Variants in SERPINA9 observed in about 807,000 individuals in gnomAD.
SERPINA9 encodes the protein serpin family A member 9.
A neutral mutation model predicts 24.5 loss-of-function variants in SERPINA9; 32 were observed. The observed-to-expected ratio is 1.30, with a 90% CI of 0.98 to 1.75. The LOEUF is 1.75. Ranked by LOEUF, SERPINA9 falls within the 40% of genes most tolerant of loss-of-function variation. The pLI is 0.00. For missense variants in SERPINA9, 594 were observed against 497.1 expected (o/e 1.19, Z -1.85); for synonymous variants, 233 against 197.7 (o/e 1.18, Z -1.50).
intron 3 of SERPINA9, among the ~76,000 whole-genome samples, chr14:94,465,826 AT>A (rs1436653626): frequency 5.9e-5 from 9 of 152,150 alleles, no homozygotes; most frequent in African/African-American, 2.2e-4. Flanking sequence ...CAGCCTGAAC[AT>A]TTATTATATG....
chr14:94,471,816 T>G (rs1366550549), intron 1 of SERPINA9, among the ~76,000 whole-genome samples: 1 of 152,104 alleles, frequency 6.6e-6, no homozygotes, highest in Non-Finnish European at 1.5e-5. Flanking sequence ...CTCTGCACTC[T>G]TCGGCCACCC....
At position 94,467,157 on chromosome 14, in the gene SERPINA9, G is replaced by A. The variant is rs1258111947; in HGVS notation, c.854C>T (p.Ala285Val). 5.6e-6 allele frequency: 9 copies of A among 1,614,174 alleles called. 1 individual carries two copies. The South Asian group carries it at 7.7e-5, about 14-fold the overall frequency. The change falls in exon 3 of 5, where the codon GCC becomes GTC. Residue 285 changes from alanine to valine, a missense_variant. Coordinates refer to ENST00000674397, the MANE Select transcript of SERPINA9 (RefSeq NM_175739.4). ...CTTTCTCAGTGTTCTGGCTGACAAG[G>A]CCTGTTCCAGTTGCCTCATCTTGCC... The part of the protein sequence containing the change: ...SKGKMRQLEQ[A>V]LSARTLRKWS...
intron 3 of SERPINA9, 113 bp from the exon 4 acceptor site, chr14:94,464,967 T>A (rs1363322572): frequency 2.2e-6 from 2 of 921,834 alleles, no homozygotes; most frequent in African/African-American, 1.7e-5. Context: ...TGCTAATTTC[T>A]GCTAAAAAGG....
chr14:94,465,002 C>G (rs1458804607), intron 3 of SERPINA9, 148 bp from the exon 4 acceptor site: 12 of 674,382 alleles, frequency 1.8e-5, no homozygotes, highest in Admixed American at 3.2e-5. Context: ...CCAAGAAACC[C>G]AGGTTGCTCT....
At chr14:94,468,424 T>C (rs528363548) in intron 2 of SERPINA9, among the ~76,000 whole-genome samples, 2 of 151,894 alleles carry the variant, frequency 1.3e-5, no homozygotes, top group African/African-American at 4.8e-5. Flanking sequence ...GGAGGGATGA[T>C]ACGGTGGCAT....
intron 1 of SERPINA9, among the ~76,000 whole-genome samples, chr14:94,471,035 T>A (rs1899289263): frequency 6.6e-6 from 1 of 152,124 alleles, no homozygotes; most frequent in Non-Finnish European, 1.5e-5. Flanking sequence ...CTCCAATAGG[T>A]CACATCCGTC....
At chr14:94,472,499 T>C (rs930446410) in intron 1 of SERPINA9, among the ~76,000 whole-genome samples, 2 of 152,210 alleles carry the variant, frequency 1.3e-5, no homozygotes, top group Non-Finnish European at 2.9e-5. Flanking sequence ...ACCACACGCG[T>C]GCCTTTAGAT....
rs543476304 is a variant in SERPINA9, at chr14:94,475,426, A to G, written c.-18+710T>C. ...TGCATGTGTGCCTACATGTGCACACACACACACACATACACACACACACAC... is the reference window on the plus strand; with the variant it reads ...TGCATGTGTGCCTACATGTGCACACGCACACACACATACACACACACACAC... On this transcript the variant is annotated intron_variant, in intron 1 of 4. Transcript: ENST00000674397. Among the ~76,000 whole-genome samples, 13 of 92,408 alleles carry G rather than the reference A, an allele frequency of 1.4e-4. No individual in the cohort carries two copies. In the East Asian group the frequency reaches 3.2e-3, roughly 23 times the overall value. 60.6% of individuals were successfully genotyped at this position (92,408 alleles called of 152,430 possible). A position where few individuals can be genotyped will look rare whatever the true frequency, so the allele number is the denominator to read the frequency against.
At position 94,464,788 on chromosome 14, in the gene SERPINA9, C is replaced by T. The variant is rs371090400; in HGVS notation, c.969G>A (p.Pro323=). Residue 323 remains proline, a synonymous_variant, in exon 4 of 5, where the codon CCG becomes CCA. Coordinates refer to ENST00000674397, the MANE Select transcript of SERPINA9 (RefSeq NM_175739.4). The part of the protein sequence containing the change: ...SASYNLETIL[P]KMGIQNVFDK... ...CAAAGACATTTTGGATGCCCATCTT[C>T]GGGAGGATGGTTTCCAGATTGTAGG... 13 of 1,613,334 alleles carry T rather than the reference C, an allele frequency of 8.1e-6. No homozygotes were observed. Among genetic ancestry groups the T allele is most frequent in the Admixed American group, 1.7e-5 (1 of 60,006 alleles).
At chr14:94,469,064 C>T in intron 2 of SERPINA9, 149 bp downstream of exon 2, 2 of 672,524 alleles carry the variant, frequency 3.0e-6, no homozygotes, top group Admixed American at 5.8e-5. Context: ...GTCCTGCAGC[C>T]AGCTAATTGC....
chr14:94,464,988 C>A, intron 3 of SERPINA9, 134 bp from the exon 4 acceptor site: 1 of 739,582 alleles, frequency 1.4e-6, no homozygotes, highest in Non-Finnish European at 2.1e-6. Context: ...TCAACACATC[C>A]TAGCCAAGAA....
chr14:94,474,306 G>A (rs1443186182), intron 1 of SERPINA9, among the ~76,000 whole-genome samples: 6 of 152,168 alleles, frequency 3.9e-5, no homozygotes, highest in African/African-American at 7.2e-5. Flanking sequence ...CGGCCTCCAC[G>A]CCCCAAGTCT....
intron 4 of SERPINA9, among the ~76,000 whole-genome samples, chr14:94,464,125 A>G (rs1046372656): frequency 1.3e-5 from 2 of 152,196 alleles, no homozygotes; most frequent in Non-Finnish European, 2.9e-5. Flanking sequence ...TCTGGTTAAA[A>G]GGGGCACTCA....
intron 1 of SERPINA9, among the ~76,000 whole-genome samples, chr14:94,471,946 C>T (rs1341156440): frequency 1.3e-5 from 2 of 152,150 alleles, no homozygotes; most frequent in Non-Finnish European, 2.9e-5. Context: ...CTGAAGGCTT[C>T]TGGACTCATC....
chr14:94,465,550 T>G (rs1224400028), intron 3 of SERPINA9, among the ~76,000 whole-genome samples: 1 of 151,972 alleles, frequency 6.6e-6, no homozygotes, highest in East Asian at 1.9e-4. Flanking sequence ...TTTTTTAAGA[T>G]GGAGTCTCAC....
chr14:94,464,311 C>A (rs1350975524), intron 4 of SERPINA9: 3 of 216,730 alleles, frequency 1.4e-5, no homozygotes, highest in African/African-American at 4.6e-5. Flanking sequence ...CTCTCTCTCT[C>A]TCTCTCTCCT....
rs764866529 is a variant in SERPINA9 at position 94,469,746 on chromosome 14, CG to C, written c.94del (p.Arg32AlafsTer42). On this transcript the variant is annotated frameshift_variant, in exon 2 of 5. Transcript: ENST00000674397. LOFTEE classifies it high-confidence loss of function. ...SPANAPSAYP[R>X]PSSTKSTPAS... ...AGGGGTGCTCTTTGTGGAGGAAGGGCGGGGGTATGCACTGGGGGCATTGGCC... is the reference window on the plus strand; with the variant it reads ...AGGGGTGCTCTTTGTGGAGGAAGGGCGGGGTATGCACTGGGGGCATTGGCC... 6.3e-7 allele frequency: 1 copy of C among 1,575,852 alleles called. No homozygotes were observed. Among genetic ancestry groups the C allele is most frequent in the Non-Finnish European group, 8.6e-7 (1 of 1,159,044 alleles).
In SERPINA9 at chr14:94,463,165, C is replaced by T; in HGVS notation, c.1182G>A (p.Leu394=). The change falls in exon 5 of 5, where the codon CTG becomes CTA. Residue 394 remains leucine (L), a synonymous_variant. Transcript: ENST00000674397. The part of the protein sequence containing the change: ...YFTVSFNRTF[L]MMITNKATDG... ...CTGTGGCTTTATTTGTAATCATCAT[C>T]AGGAAGGTCCTATTGAAGGAGACAG... The T allele has an allele frequency of 3.1e-6, 5 of 1,614,162 alleles. No individual in the cohort carries two copies. Among genetic ancestry groups the T allele is most frequent in the Non-Finnish European group, 3.4e-6 (4 of 1,179,988 alleles).
intron 2 of SERPINA9, among the ~76,000 whole-genome samples, chr14:94,468,531 T>G (rs1899128555): frequency 6.6e-6 from 1 of 152,190 alleles, no homozygotes; most frequent in Non-Finnish European, 1.5e-5. Context: ...GCACAGAGAC[T>G]GGCACAGGTC....
Sources: gnomAD v4.1 joint callset for allele counts (sites outside exome capture counted in the v4.1 genomes callset) on GRCh38, gnomAD v4.1.1 for gene constraint, MANE v1.5 for transcripts, NCBI Gene and HGNC (gene_info 2026-07-23, HGNC 2026-07-21) for gene names.